The following VPS13D variants were observed in gnomAD, a reference collection of about 807,000 sequenced individuals.
VPS13D encodes vacuolar protein sorting 13 homolog D, also known as intermembrane lipid transfer protein VPS13D.
Under a neutral mutation model 461.9 loss-of-function variants are expected in VPS13D, and 187 were observed. That is an observed-to-expected ratio of 0.40 (90% confidence interval 0.36 to 0.46). The LOEUF (loss-of-function observed/expected upper bound fraction) is 0.46, where lower values mean the gene tolerates loss of function less well. Among genes scored for constraint, VPS13D ranks in the 20% least tolerant of loss-of-function variants. VPS13D has a pLI of 0.60. For missense variants in VPS13D, 4,711 were observed against 5,364.9 expected, an observed-to-expected ratio of 0.88 and a Z score of 3.81; for synonymous variants, 1,951 against 1,986.3, an observed-to-expected ratio of 0.98 and a Z score of 0.47.
In VPS13D at chr1:12,244,404, G is replaced by A. The variant is rs750569014; in HGVS notation, c.334G>A (p.Ala112Thr). The A allele has an allele frequency of 2.2e-5, 36 of 1,614,034 alleles. No individual in the cohort carries two copies. The East Asian group carries it at 7.8e-4, about 35-fold the overall frequency. Reference sequence around the variant, plus strand: ...GCTGTTGGAAAGGGAACGTAAGAAAGCACTACTTCAAGCCCTGGAGGAGAA... The same window carrying A: ...GCTGTTGGAAAGGGAACGTAAGAAAACACTACTTCAAGCCCTGGAGGAGAA... ...EKLLERERKK[A>T]LLQALEEKWK... Residue 112 changes from alanine (A) to threonine (T), a missense_variant, in exon 4 of 70, where the codon GCA becomes ACA. By Grantham distance (58) the Ala-to-Thr change is moderately conservative. Coordinates refer to ENST00000620676, the MANE Select transcript of VPS13D (RefSeq NM_015378.4).
intron 65 of VPS13D, among the ~76,000 whole-genome samples, chr1:12,438,590 C>T (rs1645090804): frequency 6.6e-6 from 1 of 152,138 alleles, no homozygotes; most frequent in Admixed American, 6.5e-5. Context: ...CTTCCCTGTT[C>T]AGTGGGGAAA....
At chr1:12,292,608 T>G (rs1642167274) in intron 23 of VPS13D, among the ~76,000 whole-genome samples, 1 of 151,840 alleles carries the variant, frequency 6.6e-6, no homozygotes, top group African/African-American at 2.4e-5. Context: ...CCCGGCTAAT[T>G]TTTTGTATTT....
Position 12,299,598 on chromosome 1 carries a change from AT to A in VPS13D, c.6216+222del, listed in dbSNP as rs922128124. 2.0e-5 allele frequency among the ~76,000 whole-genome samples: 3 copies of A among 151,406 alleles called. No individual in the cohort carries two copies. The highest frequency in any genetic ancestry group is 6.6e-5 in the Admixed American group (1 of 15,192). Reference sequence around the variant, plus strand: ...ACTCTTAGTAAATGTAGGTAGTAGAATTTTTTTTGACATTTTATTGATATTT... The same window carrying A: ...ACTCTTAGTAAATGTAGGTAGTAGAATTTTTTTGACATTTTATTGATATTT... On this transcript the variant is annotated intron_variant, in intron 25 of 69. Transcript: ENST00000620676. The surrounding 1 kb of genome is among the most constrained non-coding windows in gnomAD (Gnocchi z 4.2).
At chr1:12,295,699 G>A (rs1442234469) in intron 24 of VPS13D, among the ~76,000 whole-genome samples, 10 of 152,014 alleles carry the variant, frequency 6.6e-5, no homozygotes, top group Non-Finnish European at 1.3e-4. Context: ...AAGATTATCT[G>A]TAGCATGTAT....
In VPS13D at chr1:12,403,866, G is replaced by A; in HGVS notation, c.11923G>A (p.Glu3975Lys). 2 of 1,611,132 alleles carry A rather than the reference G, an allele frequency of 1.2e-6. No individual in the cohort carries two copies. Among genetic ancestry groups the A allele is most frequent in the South Asian group, 2.2e-5 (2 of 90,290 alleles). ...YDENLHEKTA[E>K]QGGTPIRYYF... Reference sequence around the variant, plus strand: ...TGAAAACCTCCATGAAAAGACAGCTGAGCAAGGTGGAACACCAATTCGATA... The same window carrying A: ...TGAAAACCTCCATGAAAAGACAGCTAAGCAAGGTGGAACACCAATTCGATA... Residue 3975 changes from glutamate (E) to lysine (K), a missense_variant, in exon 63 of 70, where the codon GAG becomes AAG. By Grantham distance (56) the Glu-to-Lys change is moderately conservative (BLOSUM62 1). Transcript: ENST00000620676.
At chr1:12,373,232 T>C (rs975837701) in intron 54 of VPS13D, among the ~76,000 whole-genome samples, 1 of 148,740 alleles carries the variant, frequency 6.7e-6, no homozygotes, top group Non-Finnish European at 1.5e-5. Flanking sequence ...GCAATTCTCA[T>C]ACCTCTGCCT....
chr1:12,301,007 G>C (rs144650959), intron 25 of VPS13D, among the ~76,000 whole-genome samples: 1 of 152,166 alleles, frequency 6.6e-6, no homozygotes, highest in African/African-American at 2.4e-5. Flanking sequence ...AGCTAATAAC[G>C]TAGGGAGAGA....
At chr1:12,319,456 C>A in intron 31 of VPS13D, 41 bp from the exon 32 acceptor site, 1 of 1,608,792 alleles carries the variant, frequency 6.2e-7, no homozygotes, top group Non-Finnish European at 8.5e-7. Flanking sequence ...TGTTTTCCAG[C>A]TTCCCAGCTC....
rs1012772375 is a variant in VPS13D, at chr1:12,511,893, A to G, written c.*2869A>G. 5 of 152,232 alleles carry G rather than the reference A, an allele frequency of 3.3e-5. No homozygotes were observed. The highest frequency in any genetic ancestry group is 5.9e-5 in the Non-Finnish European group (4 of 68,050). 9.4% of individuals were successfully genotyped at this position (152,232 alleles called of 1,614,324 possible). On this transcript the variant is annotated 3_prime_UTR_variant, in exon 70 of 70. Transcript: ENST00000620676. This position sits in a 1 kb window ranked among gnomAD's most constrained non-coding sequence, Gnocchi z 4.5. ...AGTATGATCTGGGCCTCAAAATACC[A>G]TAGTAGCTGCTTGATAAAATTCTAA...
chr1:12,487,083 A>G (rs1303309467), intron 67 of VPS13D, among the ~76,000 whole-genome samples: 2 of 152,002 alleles, frequency 1.3e-5, no homozygotes, highest in Non-Finnish European at 2.9e-5. Flanking sequence ...TCCCTCTACC[A>G]CCTGAAGTCT....
Position 12,329,861 on chromosome 1 carries a change from C to A in VPS13D, c.8230C>A (p.Pro2744Thr). 1 of 1,613,974 alleles carries A rather than the reference C, an allele frequency of 6.2e-7. No individual in the cohort carries two copies. The highest frequency in any genetic ancestry group is 8.5e-7 in the Non-Finnish European group (1 of 1,179,994). The change falls in exon 37 of 70, where the codon CCT becomes ACT. Residue 2744 changes from proline (P) to threonine (T), a missense_variant. Pro to Thr is a conservative substitution (Grantham distance 38, BLOSUM62 -1). Transcript: ENST00000620676. The part of the protein sequence containing the change: ...LNFLQRVRTS[P>T]EGYAHFTLSG... ...TTTTCTTCAGCGTGTAAGAACTAGC[C>A]CTGAAGGCTATGCCCACTTCACCCT...
chr1:12,469,243 C>T (rs1466329863), intron 67 of VPS13D, among the ~76,000 whole-genome samples: 2 of 152,074 alleles, frequency 1.3e-5, no homozygotes, highest in African/African-American at 4.8e-5. Context: ...AACCCCAGAT[C>T]CATAACCTAA....
At chr1:12,349,738 T>A (rs1332468381) in intron 46 of VPS13D, among the ~76,000 whole-genome samples, 1 of 152,078 alleles carries the variant, frequency 6.6e-6, no homozygotes, top group Non-Finnish European at 1.5e-5. Context: ...GGGTTTGGAG[T>A]TTTTTGAATG....
At chr1:12,378,669 A>G (rs1230124342) in intron 56 of VPS13D, 78 bp downstream of exon 56, 11 of 1,367,316 alleles carry the variant, frequency 8.0e-6, no homozygotes, top group African/African-American at 7.4e-5. Context: ...ACAAAAACTA[A>G]GAGTTCTATA....
intron 54 of VPS13D, among the ~76,000 whole-genome samples, chr1:12,372,470 T>C (rs1003276561): frequency 6.6e-6 from 1 of 152,226 alleles, no homozygotes; most frequent in Non-Finnish European, 1.5e-5. Flanking sequence ...AATGATGTTA[T>C]GCGTCTTTTC....
chr1:12,268,388 C>G (rs1335587795), intron 15 of VPS13D, among the ~76,000 whole-genome samples: 1 of 151,410 alleles, frequency 6.6e-6, no homozygotes, highest in African/African-American at 2.4e-5. Flanking sequence ...CTGTGTACAC[C>G]AGGGTTTCAC....
At chr1:12,246,566 C>T (rs766949618) in intron 5 of VPS13D, among the ~76,000 whole-genome samples, 10 of 152,190 alleles carry the variant, frequency 6.6e-5, no homozygotes, top group Non-Finnish European at 8.8e-5. Context: ...GTGACCTGTA[C>T]ATATACATCT....
intron 63 of VPS13D, among the ~76,000 whole-genome samples, chr1:12,404,978 C>CA (rs1644632041): frequency 6.6e-6 from 1 of 152,210 alleles, no homozygotes. Flanking sequence ...CTCACTGCCC[C>CA]ATGCTGCCTC....
intron 7 of VPS13D, among the ~76,000 whole-genome samples, chr1:12,255,450 A>G (rs1452041519): frequency 6.6e-6 from 1 of 152,206 alleles, no homozygotes; most frequent in African/African-American, 2.4e-5. Flanking sequence ...GCATATGTAC[A>G]GAATGGCTTG....
Sources: allele counts gnomAD v4.1 joint callset (sites outside exome capture counted in the v4.1 genomes callset), GRCh38; gene constraint gnomAD v4.1.1; non-coding constraint Gnocchi (gnomAD v3.1); transcripts MANE v1.5; gene names NCBI Gene and HGNC (gene_info 2026-07-23, HGNC 2026-07-21).